Variants in LDLRAD2 observed in about 807,000 individuals in gnomAD.
The protein encoded by LDLRAD2 is low-density lipoprotein receptor class A domain-containing protein 2.
Under a neutral mutation model 24.9 loss-of-function variants are expected in LDLRAD2, and 25 were observed. The observed-to-expected ratio is 1.00, with a 90% CI of 0.73 to 1.40. The LOEUF (loss-of-function observed/expected upper bound fraction) is 1.40. Among genes scored for constraint, LDLRAD2 ranks in the 40% most tolerant of loss-of-function variants. The pLI is 0.00. For missense variants in LDLRAD2, 391 were observed against 366.2 expected (o/e 1.07, Z -0.55); for synonymous variants, 182 against 166.7 (o/e 1.09, Z -0.71).
chr1:21,820,331 C>T (rs1009868920), intron 3 of LDLRAD2, among the ~76,000 whole-genome samples: 3 of 151,564 alleles, frequency 2.0e-5, no homozygotes, highest in South Asian at 2.1e-4. Flanking sequence ...GTCAGGAGAT[C>T]GAGACCACAG....
Position 21,815,954 on chromosome 1 carries a change from G to T in LDLRAD2, c.523G>T (p.Ala175Ser), listed in dbSNP as rs771189421. The change falls in exon 3 of 5, where the codon GCC (alanine) becomes TCC (serine). Residue 175 changes from alanine to serine, a missense_variant. Coordinates refer to ENST00000344642, the MANE Select transcript of LDLRAD2 (RefSeq NM_001013693.3). ...VTSFRLGPCG[A>S]YFRCQNGRCI... is the part of the protein sequence containing the mutation. ...GCTTCTGGCCTCAGGACCTTGTGGTGCCTACTTCCGCTGCCAGAATGGCAG... is the reference window on the plus strand; with the variant it reads ...GCTTCTGGCCTCAGGACCTTGTGGTTCCTACTTCCGCTGCCAGAATGGCAG... The T allele has an allele frequency of 4.3e-6, 7 of 1,613,870 alleles. No individual in the cohort carries two copies. The highest frequency in any genetic ancestry group is 1.7e-5 in the Admixed American group (1 of 60,008).
rs2097960452 is a variant in LDLRAD2 at position 21,824,003 on chromosome 1, T to G, written c.*1788T>G. 1.9e-6 allele frequency: 2 copies of G among 1,058,924 alleles called. No homozygotes were observed. The highest frequency in any genetic ancestry group is 5.2e-5 in the East Asian group (2 of 38,634). 65.6% of individuals were successfully genotyped at this position (1,058,924 alleles called of 1,614,324 possible). ...CTGGCTGGTGGGTTCTCCCCTCCCC[T>G]GGCTTCAAGTTCTGTCTCCACAGAG... On this transcript the variant is annotated 3_prime_UTR_variant, in exon 5 of 5. Coordinates refer to ENST00000344642, the MANE Select transcript of LDLRAD2 (RefSeq NM_001013693.3). The surrounding 1 kb of genome is among the most constrained non-coding windows in gnomAD (Gnocchi z 5.9).
At position 21,814,630 on chromosome 1, in the gene LDLRAD2, G is replaced by A. The variant is rs1269829668; in HGVS notation, c.318G>A (p.Pro106=). 4 of 1,606,336 alleles carry A rather than the reference G, an allele frequency of 2.5e-6. No individual in the cohort carries two copies. The highest frequency in any genetic ancestry group is 1.3e-5 in the African/African-American group (1 of 74,564). Reference sequence around the variant, plus strand: ...CCTCCTCCCCGGCCCCGGCCGACCCGTGCGCCCCCGGCTCCTACCTGCAGT... The same window carrying A: ...CCTCCTCCCCGGCCCCGGCCGACCCATGCGCCCCCGGCTCCTACCTGCAGT... ...LNTSSPAPAD[P]CAPGSYLQFY... Residue 106 remains proline, a synonymous_variant, in exon 2 of 5, where the codon CCG becomes CCA. Coordinates refer to ENST00000344642, the MANE Select transcript of LDLRAD2 (RefSeq NM_001013693.3).
At position 21,822,434 on chromosome 1, in the gene LDLRAD2, G is replaced by A. The variant is rs1243505569; in HGVS notation, c.*219G>A. On this transcript the variant is annotated 3_prime_UTR_variant, in exon 5 of 5. Coordinates refer to ENST00000344642, the MANE Select transcript of LDLRAD2 (RefSeq NM_001013693.3). ...TATCCCCCTCCTCTCTCTCTCAGTC[G>A]TGAGTCCTGCCTTCCCCCACCTAAG... 1.7e-5 allele frequency: 10 copies of A among 580,734 alleles called. No individual in the cohort carries two copies. Among genetic ancestry groups the A allele is most frequent in the African/African-American group, 7.5e-5 (4 of 53,446 alleles). The allele number at this position is 580,734 out of a possible 1,614,324, so 36.0% of individuals were successfully genotyped here.
chr1:21,812,487 G>T lies in LDLRAD2; in HGVS notation c.36G>T (p.Arg12Ser), dbSNP rs2097939472. ...GTTGTCTTCTGCAGTTGCCCCAAAG[G>T]TTGCTCTTGCTGGGGGCAGCCGCCC... ...EACCLLQLPQ[R>S]LLLLGAAALT... Residue 12 changes from arginine (R) to serine (S), a missense_variant, in exon 1 of 5, where the codon AGG (arginine) becomes AGT (serine). Arg to Ser is a moderately radical substitution (Grantham distance 110). Coordinates refer to ENST00000344642, the MANE Select transcript of LDLRAD2 (RefSeq NM_001013693.3). 4 of 1,614,070 alleles carry T rather than the reference G, an allele frequency of 2.5e-6. No homozygotes were observed. The highest frequency in any genetic ancestry group is 1.7e-6 in the Non-Finnish European group (2 of 1,180,032).
At position 21,824,082 on chromosome 1, in the gene LDLRAD2, C is replaced by G. The variant is rs370529233; in HGVS notation, c.*1867C>G. The G allele has an allele frequency of 1.3e-6, 2 of 1,573,590 alleles. No homozygotes were observed. The highest frequency in any genetic ancestry group is 1.7e-5 in the Admixed American group (1 of 57,682). ...GGGGGCGTCCTGCCCCACTCCAGAACGCTGGGCCCCATCCCGAGTGCCCGG... is the reference window on the plus strand; with the variant it reads ...GGGGGCGTCCTGCCCCACTCCAGAAGGCTGGGCCCCATCCCGAGTGCCCGG... On this transcript the variant is annotated 3_prime_UTR_variant, in exon 5 of 5. Transcript: ENST00000344642. The surrounding 1 kb of genome is among the most constrained non-coding windows in gnomAD (Gnocchi z 5.9).
At position 21,814,597 on chromosome 1, in the gene LDLRAD2, G is replaced by C; in HGVS notation, c.285G>C (p.Ala95=). The C allele has an allele frequency of 1.2e-6, 2 of 1,611,270 alleles. No homozygotes were observed. The highest frequency in any genetic ancestry group is 1.7e-6 in the Non-Finnish European group (2 of 1,179,104). The change falls in exon 2 of 5, where the codon GCG becomes GCC. Residue 95 remains alanine (A), a synonymous_variant. Coordinates refer to ENST00000344642, the MANE Select transcript of LDLRAD2 (RefSeq NM_001013693.3). ...LVYSLTPAPP[A]LNTSSPAPAD... is the part of the protein sequence containing the mutation. ...ACAGCCTGACCCCCGCGCCCCCGGC[G>C]CTCAACACCTCCTCCCCGGCCCCGG...
At chr1:21,815,076 T>G (rs1433513839) in intron 2 of LDLRAD2, among the ~76,000 whole-genome samples, 2 of 152,080 alleles carry the variant, frequency 1.3e-5, no homozygotes, top group African/African-American at 4.8e-5. Flanking sequence ...CGTCAGACTG[T>G]CCTACCAGCC....
intron 3 of LDLRAD2, 66 bp downstream of exon 3, chr1:21,816,140 T>TCC: frequency 6.3e-7 from 1 of 1,576,654 alleles, no homozygotes; most frequent in Non-Finnish European, 8.6e-7. Flanking sequence ...TAACTCCCCT[T>TCC]CCCTAGGGCA....
intron 1 of LDLRAD2, among the ~76,000 whole-genome samples, chr1:21,813,263 C>T (rs189854807): frequency 1.3e-5 from 2 of 152,086 alleles, no homozygotes; most frequent in Non-Finnish European, 2.9e-5. Flanking sequence ...CCACTGCACT[C>T]CAGCCTGGCA....
intron 3 of LDLRAD2, 88 bp downstream of exon 3, chr1:21,816,162 G>C (rs577448198): frequency 1.3e-6 from 2 of 1,532,270 alleles, no homozygotes; most frequent in African/African-American, 1.4e-5. Flanking sequence ...GGCCCCGATG[G>C]GGAGGCAGGA....
rs772757002 is a variant in LDLRAD2, at chr1:21,823,661, G to C, written c.*1446G>C. On this transcript the variant is annotated 3_prime_UTR_variant, in exon 5 of 5. Transcript: ENST00000344642. The stretch of plus-strand genomic sequence containing the variant: ...GCGTTGACTGCCACGTTGGGACCTG[G>C]GGACCGGCCGCTGACCAGCTCCTCA... 2 of 1,613,630 alleles carry C rather than the reference G, an allele frequency of 1.2e-6. No homozygotes were observed. The highest frequency in any genetic ancestry group is 2.2e-5 in the South Asian group (2 of 91,070).
intron 4 of LDLRAD2, 195 bp downstream of exon 4, chr1:21,821,806 T>C (rs2097952369): frequency 1.7e-5 from 25 of 1,432,488 alleles, no homozygotes; most frequent in Non-Finnish European, 2.1e-5. Context: ...TCTGGTGCTG[T>C]TGCTCTCCCA....
intron 3 of LDLRAD2, among the ~76,000 whole-genome samples, chr1:21,819,047 T>A (rs974310161): frequency 6.6e-6 from 1 of 151,820 alleles, no homozygotes; most frequent in Non-Finnish European, 1.5e-5. Flanking sequence ...CTGGTGGGTC[T>A]CTTTAAGTTC....
In LDLRAD2 at chr1:21,823,393, C is replaced by T. The variant is rs373820736; in HGVS notation, c.*1178C>T. On this transcript the variant is annotated 3_prime_UTR_variant, in exon 5 of 5. Transcript: ENST00000344642. ...TCCAGGGGCTGTGGGGGCGGGGCGCCGGGTCGGGCCGAGTGCAGCACCAGG... is the reference window on the plus strand; with the variant it reads ...TCCAGGGGCTGTGGGGGCGGGGCGCTGGGTCGGGCCGAGTGCAGCACCAGG... 9.6e-6 allele frequency: 15 copies of T among 1,561,240 alleles called. No homozygotes were observed. Among genetic ancestry groups the T allele is most frequent in the Admixed American group, 5.6e-5 (3 of 54,024 alleles).
At chr1:21,819,786 C>G (rs61777192) in intron 3 of LDLRAD2, among the ~76,000 whole-genome samples, 59,463 of 151,878 alleles carry the variant, frequency 0.39, 13,579 homozygotes, top group East Asian at 0.63. Flanking sequence ...TAAAAAAACA[C>G]CTGAGACTGG....
In LDLRAD2 at chr1:21,814,552, G is replaced by C. The variant is rs746232170; in HGVS notation, c.240G>C (p.Gln80His). ...AAAPGDRIRF[Q>H]FRFFLVYSLT... ...CCCCCGGCGACCGGATCCGCTTCCA[G>C]TTCCGCTTCTTCCTGGTCTACAGCC... The change falls in exon 2 of 5, where the codon CAG (glutamine) becomes CAC (histidine). Residue 80 changes from glutamine to histidine, a missense_variant. Transcript: ENST00000344642. 1.9e-6 allele frequency: 3 copies of C among 1,612,348 alleles called. No homozygotes were observed. Among genetic ancestry groups the C allele is most frequent in the Non-Finnish European group, 2.5e-6 (3 of 1,179,566 alleles).
intron 3 of LDLRAD2, among the ~76,000 whole-genome samples, chr1:21,818,255 A>T (rs536628057): frequency 6.1e-5 from 9 of 148,398 alleles, no homozygotes; most frequent in African/African-American, 1.7e-4. Context: ...CAAGTGATCC[A>T]CCCGCCTTGG....
Position 21,822,408 on chromosome 1 carries a change from A to C in LDLRAD2, c.*193A>C, listed in dbSNP as rs942295193. Reference sequence around the variant, plus strand: ...CTCCTGCAGATGGGGCAGGGTGGTCATATCCCCCTCCTCTCTCTCTCAGTC... The same window carrying C: ...CTCCTGCAGATGGGGCAGGGTGGTCCTATCCCCCTCCTCTCTCTCTCAGTC... On this transcript the variant is annotated 3_prime_UTR_variant, in exon 5 of 5. Coordinates refer to ENST00000344642, the MANE Select transcript of LDLRAD2 (RefSeq NM_001013693.3). The C allele has an allele frequency of 1.5e-5, 9 of 616,864 alleles. No individual in the cohort carries two copies. The highest frequency in any genetic ancestry group is 2.6e-5 in the Non-Finnish European group (9 of 344,052). The allele number at this position is 616,864 out of a possible 1,614,324, so 38.2% of individuals were successfully genotyped here.
Sources: allele counts gnomAD v4.1 joint callset (sites outside exome capture counted in the v4.1 genomes callset), GRCh38; gene constraint gnomAD v4.1.1; non-coding constraint Gnocchi (gnomAD v3.1); transcripts MANE v1.5; gene names NCBI Gene and HGNC (gene_info 2026-07-23, HGNC 2026-07-21).